The following PCID2 variants were observed in gnomAD, a reference collection of about 807,000 sequenced individuals.
PCID2 encodes the protein PCI domain containing 2, also known as PCI domain-containing protein 2.
Under a neutral mutation model 61.3 loss-of-function variants are expected in PCID2, and 41 were observed. The observed-to-expected ratio is 0.67, with a 90% confidence interval of 0.52 to 0.87. The LOEUF is 0.87. Ranked by LOEUF, PCID2 falls within the 40% of genes least tolerant of loss-of-function variation. The pLI is 0.00. For synonymous variants in PCID2, 187 were observed against 177.8 expected, an observed-to-expected ratio of 1.05 and a Z score of -0.41; for missense variants, 392 against 493.4, an observed-to-expected ratio of 0.79 and a Z score of 1.95.
Position 113,194,593 on chromosome 13 carries a change from G to A in PCID2, c.363+478C>T, listed in dbSNP as rs375635976. On this transcript the variant is annotated intron_variant, in intron 6 of 13. Transcript: ENST00000337344. ...GGGGTCGTCCTAAAACCAAAAGGTT[G>A]ACAAATGCTGCTCCATAATGGGGAC... Among the ~76,000 whole-genome samples the A allele has an allele frequency of 5.3e-5, 8 of 152,296 alleles. No individual in the cohort carries two copies. In the East Asian group the frequency reaches 1.4e-3, roughly 26 times the overall value.
At chr13:113,208,070 A>AGT in intron 1 of PCID2, 1 of 1,612,804 alleles carries the variant, frequency 6.2e-7, no homozygotes, top group Non-Finnish European at 8.5e-7. Flanking sequence ...AGCGATATGA[A>AGT]GTGTGCATTG....
At chr13:113,176,915 C>T (rs1296525147), downstream of PCID2, among the ~76,000 whole-genome samples, 1 of 152,224 alleles carries the variant, frequency 6.6e-6, no homozygotes, top group Non-Finnish European at 1.5e-5. Context: ...GCCTCTAGAA[C>T]TGTGAGGAAA....
intron 13 of PCID2, 86 bp downstream of exon 13, chr13:113,178,880 T>C: frequency 7.1e-7 from 1 of 1,405,932 alleles, no homozygotes; most frequent in South Asian, 1.4e-5. Context: ...CTTTTAACAA[T>C]TTTAACACCA....
At chr13:113,185,383 C>G in intron 8 of PCID2, 102 bp downstream of exon 8, 1 of 828,880 alleles carries the variant, frequency 1.2e-6, no homozygotes, top group South Asian at 1.4e-5. Context: ...ATGATCATTT[C>G]ACAAGCAACG....
intron 2 of PCID2, among the ~76,000 whole-genome samples, chr13:113,199,549 A>C (rs955858902): frequency 4.6e-5 from 7 of 152,198 alleles, no homozygotes; most frequent in Non-Finnish European, 7.3e-5. Flanking sequence ...CCACCGAAAG[A>C]AAGTTTACTG....
chr13:113,171,463 G>A, the PCID2 span: 36 of 1,098,082 alleles, frequency 3.3e-5, no homozygotes, highest in Non-Finnish European at 4.5e-5. This position sits in a 1 kb window ranked among gnomAD's most constrained non-coding sequence, Gnocchi z 5.1. Flanking sequence ...TCCACACCAC[G>A]GGGCGGTGAG....
chr13:113,165,613 C>G, the PCID2 span, among the ~76,000 whole-genome samples: 1 of 152,218 alleles, frequency 6.6e-6, no homozygotes, highest in African/African-American at 2.4e-5. Context: ...TCACTGCAAC[C>G]TCTGCCTCCT....
chr13:113,176,790 T>A (rs1306532171), downstream of PCID2, among the ~76,000 whole-genome samples: 1 of 152,082 alleles, frequency 6.6e-6, no homozygotes, highest in African/African-American at 2.4e-5. Flanking sequence ...GTCATCTCTA[T>A]CTGTACCATC....
At chr13:113,203,974 GC>G (rs1357064056) in intron 1 of PCID2, among the ~76,000 whole-genome samples, 1 of 152,252 alleles carries the variant, frequency 6.6e-6, no homozygotes, top group Admixed American at 6.5e-5. Flanking sequence ...AGCCACAGGA[GC>G]CCCAACAGAC....
At chr13:113,171,790 CA>C in the PCID2 span, 11 of 1,613,318 alleles carry the variant, frequency 6.8e-6, no homozygotes, top group Non-Finnish European at 8.5e-6. This position sits in a 1 kb window ranked among gnomAD's most constrained non-coding sequence, Gnocchi z 5.1. Flanking sequence ...TCCCACGCAC[CA>C]GGGGCCTCCT....
intron 7 of PCID2, among the ~76,000 whole-genome samples, chr13:113,189,094 G>A (rs1045757820): frequency 1.3e-5 from 2 of 151,922 alleles, no homozygotes; most frequent in African/African-American, 4.8e-5. Flanking sequence ...ATGAGTTCTC[G>A]CTCTGAGCTC....
chr13:113,181,872 TGCAAAGAGTTCA>T (rs1323858613), intron 9 of PCID2, among the ~76,000 whole-genome samples: 1 of 152,204 alleles, frequency 6.6e-6, no homozygotes, highest in Non-Finnish European at 1.5e-5. Flanking sequence ...ACGACAGGCC[TGCAAAGAGTTCA>T]GCACATGCTA....
intron 1 of PCID2, 72 bp downstream of exon 1, chr13:113,208,527 A>C (rs1013811140): frequency 6.4e-7 from 1 of 1,574,252 alleles, no homozygotes; most frequent in African/African-American, 1.4e-5. Flanking sequence ...CTGAGGGTCC[A>C]AGGCAGGAGG....
At chr13:113,202,784 G>T (rs1217463377) in intron 1 of PCID2, among the ~76,000 whole-genome samples, 1 of 152,194 alleles carries the variant, frequency 6.6e-6, no homozygotes, top group East Asian at 1.9e-4. Context: ...AGAGAGGGGG[G>T]TGGAATGAGG....
chr13:113,208,622 T>A lies in PCID2; in HGVS notation c.13A>T (p.Thr5Ser). 6.2e-7 allele frequency: 1 copy of A among 1,607,002 alleles called. No individual in the cohort carries two copies. The highest frequency in any genetic ancestry group is 8.5e-7 in the Non-Finnish European group (1 of 1,177,356). ...ACCTGCTGCAGGTACTGGTTAATGG[T>A]AATGTGCGCCATGGGAGCGCCGCCG... is the stretch of plus-strand genomic sequence containing the variant. The part of the protein sequence containing the change: MAHI[T>S]INQYLQQVYE... Residue 5 changes from threonine to serine, a missense_variant, in exon 1 of 14, where the codon ACC becomes TCC. Thr to Ser is a moderately conservative substitution (Grantham distance 58). Coordinates refer to ENST00000337344, the MANE Select transcript of PCID2 (RefSeq NM_001127202.4).
At chr13:113,207,587 T>G (rs1372590490) in intron 1 of PCID2, among the ~76,000 whole-genome samples, 1 of 152,236 alleles carries the variant, frequency 6.6e-6, no homozygotes, top group African/African-American at 2.4e-5. Flanking sequence ...TATACTTTCA[T>G]GTTTTAAGTT....
chr13:113,202,354 C>T (rs1054222371), intron 1 of PCID2, among the ~76,000 whole-genome samples: 1 of 152,216 alleles, frequency 6.6e-6, no homozygotes, highest in African/African-American at 2.4e-5. Context: ...CTATTCCATA[C>T]AACTACACAT....
intron 7 of PCID2, chr13:113,188,721 C>CAA (rs2138767831): frequency 6.6e-6 from 1 of 152,396 alleles, no homozygotes; most frequent in East Asian, 1.9e-4. Flanking sequence ...CCCTCTATTT[C>CAA]AATCCCCTCA....
chr13:113,178,113 T>G lies in PCID2; in HGVS notation c.*85A>C, dbSNP rs780642802. ...CCAAGAGTTCCGGCTTCAGGGAGCC[T>G]TGTTGCAGTACCGGACCGGTCTCAT... On this transcript the variant is annotated 3_prime_UTR_variant, in exon 14 of 14. Coordinates refer to ENST00000337344, the MANE Select transcript of PCID2 (RefSeq NM_001127202.4). 4 of 902,108 alleles carry G rather than the reference T, an allele frequency of 4.4e-6. No homozygotes were observed. Among genetic ancestry groups the G allele is most frequent in the Non-Finnish European group, 6.9e-6 (4 of 578,780 alleles). 55.9% of individuals were successfully genotyped at this position (902,108 alleles called of 1,614,324 possible). A position where few individuals can be genotyped will look rare whatever the true frequency, so the allele number is the denominator to read the frequency against.
Sources: gnomAD v4.1 joint callset for allele counts (sites outside exome capture counted in the v4.1 genomes callset) on GRCh38, gnomAD v4.1.1 for gene constraint, Gnocchi (gnomAD v3.1) non-coding constraint, MANE v1.5 for transcripts, NCBI Gene and HGNC (gene_info 2026-07-23, HGNC 2026-07-21) for gene names.